PPP1R9A: variants seen among roughly 807,000 people sequenced by gnomAD.
PPP1R9A encodes protein phosphatase 1 regulatory subunit 9A, also known as neurabin-1.
In PPP1R9A, 59 loss-of-function variants were observed where a neutral mutation model predicts 141.9. The observed-to-expected ratio is 0.42, with a 90% CI of 0.34 to 0.52. The LOEUF is 0.52. PPP1R9A is among the 20% of genes least tolerant of loss of function. The pLI is 0.10. For missense variants in PPP1R9A, 1,444 were observed against 1,611.9 expected, an observed-to-expected ratio of 0.90 and a Z score of 1.78; for synonymous variants, 500 against 569.7, an observed-to-expected ratio of 0.88 and a Z score of 1.74.
intron 2 of PPP1R9A, among the ~76,000 whole-genome samples, chr7:95,054,486 A>G (rs1471183272): frequency 6.6e-6 from 1 of 151,956 alleles, no homozygotes. Flanking sequence ...GTGACCATTT[A>G]ATTTATCATT....
chr7:95,035,704 G>A (rs1055537799), intron 2 of PPP1R9A: 8 of 152,112 alleles, frequency 5.3e-5, no homozygotes, highest in African/African-American at 2.4e-5. Flanking sequence ...GTTTCTGGAG[G>A]TATGTTTTAA....
intron 12 of PPP1R9A, among the ~76,000 whole-genome samples, chr7:95,263,674 T>C (rs976870828): frequency 1.5e-4 from 23 of 152,192 alleles, no homozygotes; most frequent in African/African-American, 5.1e-4. Flanking sequence ...CCTCCCAAAG[T>C]GCTGAGATTA....
intron 2 of PPP1R9A, among the ~76,000 whole-genome samples, chr7:94,940,236 G>C (rs1237587636): frequency 6.6e-6 from 1 of 152,044 alleles, no homozygotes; most frequent in Non-Finnish European, 1.5e-5. Flanking sequence ...TTTGACATTT[G>C]AAGAATTGGA....
At chr7:94,921,911 G>T (rs1424554018) in intron 2 of PPP1R9A, among the ~76,000 whole-genome samples, 1 of 151,870 alleles carries the variant, frequency 6.6e-6, no homozygotes, top group South Asian at 2.1e-4. Flanking sequence ...GCTGCAGTGA[G>T]CTGTGATTGA....
intron 2 of PPP1R9A, among the ~76,000 whole-genome samples, chr7:95,025,066 G>A (rs911425198): frequency 1.3e-5 from 2 of 151,786 alleles, no homozygotes; most frequent in African/African-American, 2.4e-5. Context: ...GAAATTCTGG[G>A]TTGAAAATCC....
At chr7:94,972,720 G>A (rs1306801126) in intron 2 of PPP1R9A, among the ~76,000 whole-genome samples, 3 of 152,112 alleles carry the variant, frequency 2.0e-5, no homozygotes, top group Non-Finnish European at 2.9e-5. Context: ...GGTGTACACT[G>A]GCAGCCTAGA....
chr7:95,221,558 T>G (rs1054872724), intron 7 of PPP1R9A, among the ~76,000 whole-genome samples: 1 of 152,084 alleles, frequency 6.6e-6, no homozygotes, highest in Non-Finnish European at 1.5e-5. Flanking sequence ...CACAACCTGT[T>G]GGTTGTACTT....
chr7:94,951,185 A>G (rs980375878), intron 2 of PPP1R9A, among the ~76,000 whole-genome samples: 5 of 151,376 alleles, frequency 3.3e-5, no homozygotes, highest in African/African-American at 1.2e-4. Context: ...ATGATAGTTT[A>G]TTTCTTTGTT....
At chr7:95,281,003 G>A (rs1028569192) in intron 16 of PPP1R9A, among the ~76,000 whole-genome samples, 1 of 152,158 alleles carries the variant, frequency 6.6e-6, no homozygotes, top group Non-Finnish European at 1.5e-5. Flanking sequence ...TATTCAGAAG[G>A]AAATTGACAT....
chr7:94,990,095 C>A (rs1377732554), intron 2 of PPP1R9A, among the ~76,000 whole-genome samples: 2 of 151,888 alleles, frequency 1.3e-5, no homozygotes, highest in Admixed American at 6.6e-5. Flanking sequence ...AAGGACCTAG[C>A]GAATTTAAGA....
At chr7:95,168,396 T>C (rs1270012584) in intron 5 of PPP1R9A, among the ~76,000 whole-genome samples, 1 of 151,620 alleles carries the variant, frequency 6.6e-6, no homozygotes, top group Non-Finnish European at 1.5e-5. Flanking sequence ...ATCAACTCAA[T>C]ATGGATTAAA....
chr7:94,980,923 G>A (rs146140291), intron 2 of PPP1R9A, among the ~76,000 whole-genome samples: 3,340 of 152,286 alleles, frequency 0.022, 57 homozygotes, highest in Middle Eastern at 0.041. Flanking sequence ...GCATCTGTGT[G>A]CCACGCTCTG....
chr7:95,267,614 G>C (rs944453402), intron 12 of PPP1R9A, among the ~76,000 whole-genome samples: 1 of 151,988 alleles, frequency 6.6e-6, no homozygotes, highest in African/African-American at 2.4e-5. Flanking sequence ...AGGCTAAAGA[G>C]GACTAATTGA....
chr7:94,951,633 GT>G (rs1472377728), intron 2 of PPP1R9A, among the ~76,000 whole-genome samples: 3 of 151,742 alleles, frequency 2.0e-5, no homozygotes, highest in African/African-American at 7.3e-5. Flanking sequence ...TTTTTTCAGA[GT>G]TTTGCGTCAA....
chr7:95,159,375 C>CA (rs1350746546), intron 4 of PPP1R9A, among the ~76,000 whole-genome samples: 1 of 151,998 alleles, frequency 6.6e-6, no homozygotes, highest in Non-Finnish European at 1.5e-5. Context: ...GATCCTGTTT[C>CA]AAAAAATCCG....
chr7:94,974,662 G>A (rs181749513), intron 2 of PPP1R9A, among the ~76,000 whole-genome samples: 20 of 152,198 alleles, frequency 1.3e-4, no homozygotes, highest in Non-Finnish European at 2.4e-4. Flanking sequence ...AAACATTGAC[G>A]CTTCTTGTTT....
intron 5 of PPP1R9A, among the ~76,000 whole-genome samples, chr7:95,181,167 TA>T (rs1292701687): frequency 6.8e-6 from 1 of 147,134 alleles, no homozygotes; most frequent in East Asian, 2.0e-4. Flanking sequence ...CTGTGATATA[TA>T]TATAGATATA....
chr7:95,171,427 T>C (rs1832094451), intron 5 of PPP1R9A, among the ~76,000 whole-genome samples: 1 of 151,558 alleles, frequency 6.6e-6, no homozygotes, highest in African/African-American at 2.4e-5. Flanking sequence ...AAAGTCAGTT[T>C]TGAAAACATA....
rs752956367 is a variant in PPP1R9A at position 95,274,076 on chromosome 7, T to C, written c.3213-9T>C. On this transcript the variant is annotated splice_polypyrimidine_tract_variant and intron_variant, in intron 15 of 19. Transcript: ENST00000433360. Reference sequence around the variant, plus strand: ...GCTTCCCCTTTCTGACTGCTTACTATCATTACAGGGCGCCTTTGCGAAGGA... The same window carrying C: ...GCTTCCCCTTTCTGACTGCTTACTACCATTACAGGGCGCCTTTGCGAAGGA... 7.7e-6 allele frequency: 12 copies of C among 1,559,794 alleles called. No individual in the cohort carries two copies. In the East Asian group the frequency reaches 2.3e-4, roughly 29 times the overall value.
Sources: allele counts gnomAD v4.1 joint callset (sites outside exome capture counted in the v4.1 genomes callset), GRCh38; gene constraint gnomAD v4.1.1; transcripts MANE v1.5; gene names NCBI Gene and HGNC (gene_info 2026-07-23, HGNC 2026-07-21).